The following SCARA3 variants were observed in gnomAD, a reference collection of about 807,000 sequenced individuals.
SCARA3 encodes cellular stress response gene protein.
In SCARA3, 39 loss-of-function variants were observed where a neutral mutation model predicts 47.0. That is an observed-to-expected ratio of 0.83 (90% CI 0.64 to 1.08). The LOEUF is 1.08. SCARA3 is among the 50% of genes least tolerant of loss of function. The pLI is 0.00. For missense variants in SCARA3, 724 were observed against 792.3 expected, an observed-to-expected ratio of 0.91 and a Z score of 1.04; for synonymous variants, 356 against 334.1, an observed-to-expected ratio of 1.07 and a Z score of -0.71.
At chr8:27,689,434 C>T in the SCARA3 span, among the ~76,000 whole-genome samples, 1 of 152,222 alleles carries the variant, frequency 6.6e-6, no homozygotes, top group Non-Finnish European at 1.5e-5. Flanking sequence ...TGAGCCGGTT[C>T]CAAGCTAAGC....
chr8:27,669,993 G>GC (rs1312678566), intron 5 of SCARA3, among the ~76,000 whole-genome samples: 207 of 152,084 alleles, frequency 1.4e-3, no homozygotes, highest in African/African-American at 4.9e-3. Context: ...GAGGGGTGGA[G>GC]ACTCTCAGAC....
At chr8:27,706,609 G>A in the SCARA3 span, among the ~76,000 whole-genome samples, 1 of 152,132 alleles carries the variant, frequency 6.6e-6, no homozygotes, top group Non-Finnish European at 1.5e-5. Flanking sequence ...GGAAGCTGTT[G>A]GAGGGATCCA....
the SCARA3 span, among the ~76,000 whole-genome samples, chr8:27,727,749 G>C: frequency 6.6e-6 from 1 of 152,204 alleles, no homozygotes; most frequent in African/African-American, 2.4e-5. Context: ...ATCTAGATTT[G>C]TAATGTTATG....
downstream of SCARA3, among the ~76,000 whole-genome samples, chr8:27,678,354 T>C (rs945595028): frequency 7.9e-5 from 12 of 152,032 alleles, no homozygotes; most frequent in African/African-American, 1.7e-4. Context: ...TCACCACAAA[T>C]CCTACAGACA....
chr8:27,712,386 A>AC, the SCARA3 span, among the ~76,000 whole-genome samples: 1 of 151,156 alleles, frequency 6.6e-6, no homozygotes, highest in Non-Finnish European at 1.5e-5. Flanking sequence ...AAACGGTGAA[A>AC]CCCCGTCTCT....
chr8:27,725,472 G>C, the SCARA3 span, among the ~76,000 whole-genome samples: 1 of 144,850 alleles, frequency 6.9e-6, no homozygotes, highest in East Asian at 2.0e-4. Flanking sequence ...ATAGTAAAAA[G>C]AAATTTTAAG....
chr8:27,722,483 C>T, the SCARA3 span, among the ~76,000 whole-genome samples: 5 of 152,114 alleles, frequency 3.3e-5, no homozygotes, highest in Non-Finnish European at 7.3e-5. Flanking sequence ...CACCCCTGGC[C>T]CTCACACAGA....
the SCARA3 span, among the ~76,000 whole-genome samples, chr8:27,727,132 G>A: frequency 6.6e-5 from 10 of 152,006 alleles, no homozygotes; most frequent in Non-Finnish European, 8.8e-5. Flanking sequence ...GGCTGGTCTC[G>A]AACTCCTGGG....
At chr8:27,684,562 T>A in the SCARA3 span, among the ~76,000 whole-genome samples, 1 of 151,812 alleles carries the variant, frequency 6.6e-6, no homozygotes. Flanking sequence ...GGTACATACC[T>A]ATAGTCCCAG....
intron 1 of SCARA3, among the ~76,000 whole-genome samples, chr8:27,649,005 C>A (rs576673819): frequency 1.3e-5 from 2 of 152,164 alleles, no homozygotes; most frequent in South Asian, 4.1e-4. Context: ...AAGGCCAGGT[C>A]TTACTTACAG....
Position 27,651,568 on chromosome 8 carries a change from G to T in SCARA3, c.167G>T (p.Arg56Leu), listed in dbSNP as rs185461278. 1.2e-6 allele frequency: 2 copies of T among 1,614,094 alleles called. No individual in the cohort carries two copies. The highest frequency in any genetic ancestry group is 2.2e-5 in the South Asian group (2 of 91,080). The stretch of plus-strand genomic sequence containing the variant: ...AACCTATCTTTGCACACATCGGTGC[G>T]GATTCTTTACCTCTTCCTGGCCCTG... ...QKNLSLHTSV[R>L]ILYLFLALLL... The change falls in exon 3 of 6, where the codon CGG becomes CTG. Residue 56 changes from arginine to leucine, a missense_variant. By Grantham distance (102) the Arg-to-Leu change is moderately radical. Transcript: ENST00000301904.
chr8:27,706,076 A>G, the SCARA3 span, among the ~76,000 whole-genome samples: 1 of 152,234 alleles, frequency 6.6e-6, no homozygotes, highest in African/African-American at 2.4e-5. Flanking sequence ...AAAGGAGCTC[A>G]GGGAGGGTGA....
At chr8:27,686,078 T>G in the SCARA3 span, among the ~76,000 whole-genome samples, 1 of 152,194 alleles carries the variant, frequency 6.6e-6, no homozygotes, top group African/African-American at 2.4e-5. Flanking sequence ...ACAAAGCAAA[T>G]TATAAATAAA....
chr8:27,725,050 C>CA, the SCARA3 span, among the ~76,000 whole-genome samples: 1 of 151,978 alleles, frequency 6.6e-6, no homozygotes, highest in Non-Finnish European at 1.5e-5. Flanking sequence ...TCTGGGAGGC[C>CA]AAGGTAGGAG....
intron 5 of SCARA3, among the ~76,000 whole-genome samples, chr8:27,660,654 A>ATATAGATC (rs1801884953): frequency 6.7e-6 from 1 of 149,804 alleles, no homozygotes; most frequent in Non-Finnish European, 1.5e-5. Flanking sequence ...ATAGATAGAT[A>ATATAGATC]GATCTAGAGA....
At chr8:27,667,562 C>G (rs745802344) in intron 5 of SCARA3, among the ~76,000 whole-genome samples, 20 of 152,184 alleles carry the variant, frequency 1.3e-4, no homozygotes, top group Non-Finnish European at 1.6e-4. Context: ...GGAATCCTGA[C>G]GCCAGCACTG....
chr8:27,712,379 C>T, the SCARA3 span, among the ~76,000 whole-genome samples: 23 of 151,520 alleles, frequency 1.5e-4, no homozygotes, highest in Non-Finnish European at 3.1e-4. Flanking sequence ...CCGGCTAAAA[C>T]GGTGAAACCC....
At position 27,657,400 on chromosome 8, in the gene SCARA3, G is replaced by A. The variant is rs572383493; in HGVS notation, c.325+520G>A. ...ATTGCGTGACACTGAGGTTTGGGGG[G>A]GTAGAAATGATCCTGTCACCCAGGT... On this transcript the variant is annotated intron_variant, in intron 4 of 5. Coordinates refer to ENST00000301904, the MANE Select transcript of SCARA3 (RefSeq NM_016240.3). Among the ~76,000 whole-genome samples the A allele has an allele frequency of 2.7e-5, 4 of 149,276 alleles. No homozygotes were observed. The South Asian group carries it at 8.7e-4, about 32-fold the overall frequency.
In SCARA3 at chr8:27,663,766, C is replaced by T. The variant is rs186465927; in HGVS notation, c.1369+4227C>T. The stretch of plus-strand genomic sequence containing the variant: ...AAGGGCTCCACACAACATCCCTACC[C>T]GCCACTGACACCTCAAGCACCACTG... On this transcript the variant is annotated intron_variant, in intron 5 of 5. Transcript: ENST00000301904. Among the ~76,000 whole-genome samples the T allele has an allele frequency of 1.1e-4, 16 of 152,276 alleles. No individual in the cohort carries two copies. The East Asian group carries it at 1.2e-3, about 11-fold the overall frequency.
Sources: allele counts gnomAD v4.1 joint callset (sites outside exome capture counted in the v4.1 genomes callset), GRCh38; gene constraint gnomAD v4.1.1; transcripts MANE v1.5; gene names NCBI Gene and HGNC (gene_info 2026-07-23, HGNC 2026-07-21).